TNNI3K: variants seen among roughly 807,000 people sequenced by gnomAD.
TNNI3K encodes serine/threonine-protein kinase TNNI3K.
Under a neutral mutation model 114.5 loss-of-function variants are expected in TNNI3K, and 140 were observed. The observed-to-expected ratio is 1.22, with a 90% CI of 1.07 to 1.41. The LOEUF (loss-of-function observed/expected upper bound fraction) is 1.41. TNNI3K is among the 40% of genes most tolerant of loss of function. The pLI is 0.00. For synonymous variants in TNNI3K, 347 were observed against 347.5 expected, an observed-to-expected ratio of 1.00 and a Z score of 0.02; for missense variants, 1,125 against 1,007.6, an observed-to-expected ratio of 1.12 and a Z score of -1.58.
Position 74,246,519 on chromosome 1 carries a change from C to T in TNNI3K, c.150-2940C>T, listed in dbSNP as rs144711412. On this transcript the variant is annotated intron_variant, in intron 2 of 24. Transcript: ENST00000326637. ...ACAATGATTCAGCTCTGAGCTGCTT[C>T]GGCTTTTCTTCCCTGGTCTTTCTAT... Among the ~76,000 whole-genome samples the T allele has an allele frequency of 1.6e-4, 24 of 152,290 alleles. No homozygotes were observed. The East Asian group carries it at 4.1e-3, about 26-fold the overall frequency.
intron 2 of TNNI3K, among the ~76,000 whole-genome samples, chr1:74,245,483 C>A (rs2100837366): frequency 6.6e-6 from 1 of 152,268 alleles, no homozygotes; most frequent in Middle Eastern, 3.4e-3. Flanking sequence ...AGATCATATC[C>A]TTGGCTTCAC....
At chr1:74,445,114 A>G (rs1166876421) in intron 20 of TNNI3K, among the ~76,000 whole-genome samples, 2 of 152,220 alleles carry the variant, frequency 1.3e-5, no homozygotes, top group African/African-American at 4.8e-5. Context: ...CATTCAGGAC[A>G]TAGGCATGGA....
chr1:74,395,572 G>C (rs1034565547), intron 17 of TNNI3K, among the ~76,000 whole-genome samples: 9 of 152,184 alleles, frequency 5.9e-5, no homozygotes, highest in Non-Finnish European at 1.3e-4. Context: ...CTGCCTTGGT[G>C]GTTCAGCATT....
chr1:74,294,020 A>G (rs1186783007), intron 5 of TNNI3K, among the ~76,000 whole-genome samples: 1 of 151,738 alleles, frequency 6.6e-6, no homozygotes, highest in Non-Finnish European at 1.5e-5. Flanking sequence ...TTAATTTTGG[A>G]TTCCTAACAT....
At chr1:74,296,134 G>T (rs953401484) in intron 5 of TNNI3K, among the ~76,000 whole-genome samples, 1 of 151,978 alleles carries the variant, frequency 6.6e-6, no homozygotes, top group Admixed American at 6.6e-5. Context: ...AAATTAGCCG[G>T]GCGAGGCGGC....
At chr1:74,414,290 A>G (rs915258048) in intron 17 of TNNI3K, among the ~76,000 whole-genome samples, 1 of 152,214 alleles carries the variant, frequency 6.6e-6, no homozygotes, top group Admixed American at 6.5e-5. Flanking sequence ...TAAGAGTCTA[A>G]TAGTGTTTCA....
At chr1:74,331,370 G>T in intron 5 of TNNI3K, 80 bp from the exon 6 acceptor site, 1 of 1,430,434 alleles carries the variant, frequency 7.0e-7, no homozygotes, top group Non-Finnish European at 9.5e-7. Flanking sequence ...ATGAAGATTT[G>T]TGCATGGTGG....
chr1:74,284,990 A>G (rs1294855953), intron 5 of TNNI3K, among the ~76,000 whole-genome samples: 2 of 152,230 alleles, frequency 1.3e-5, no homozygotes, highest in African/African-American at 4.8e-5. Context: ...GAAAAGTTCC[A>G]AGTTAAATAG....
At chr1:74,247,992 C>T (rs765082745) in intron 2 of TNNI3K, among the ~76,000 whole-genome samples, 28 of 145,010 alleles carry the variant, frequency 1.9e-4, no homozygotes, top group African/African-American at 2.8e-4. Flanking sequence ...TGGGAGCCCA[C>T]GGGGGTAGGG....
In TNNI3K at chr1:74,532,582, G is replaced by A. The variant is rs559138930; in HGVS notation, c.2352-7652G>A. The stretch of plus-strand genomic sequence containing the variant: ...GCTGGTGTGCTGCACCCAATAACTC[G>A]TCATTTAGCATTAGGTATATCTCCT... On this transcript the variant is annotated intron_variant, in intron 23 of 24. Coordinates refer to ENST00000326637, the MANE Select transcript of TNNI3K (RefSeq NM_015978.3). Among the ~76,000 whole-genome samples, 888 of 151,594 alleles carry A rather than the reference G, an allele frequency of 5.9e-3. 11 individuals are homozygous for A. The highest frequency in any genetic ancestry group is 0.013 in the South Asian group (63 of 4,792).
rs186103057 is a variant in TNNI3K at position 74,511,317 on chromosome 1, C to T, written c.2351+19051C>T. ...AAGCAATTCTCGTGCCTCAGGCTCC[C>T]GAGTAGCTGGGACTACAGGCACACG... is the stretch of plus-strand genomic sequence containing the variant. On this transcript the variant is annotated intron_variant, in intron 23 of 24. Transcript: ENST00000326637. 2.5e-3 allele frequency among the ~76,000 whole-genome samples: 380 copies of T among 152,144 alleles called. 2 individuals are homozygous for T. Among genetic ancestry groups the T allele is most frequent in the Admixed American group, 5.4e-3 (83 of 15,288 alleles).
intron 5 of TNNI3K, among the ~76,000 whole-genome samples, chr1:74,274,030 A>G (rs1299788143): frequency 2.0e-5 from 3 of 151,954 alleles, no homozygotes; most frequent in African/African-American, 2.4e-5. Flanking sequence ...GAAAATCTAT[A>G]TATACATTTT....
intron 4 of TNNI3K, among the ~76,000 whole-genome samples, chr1:74,266,702 C>T (rs1254031463): frequency 1.3e-5 from 2 of 151,922 alleles, no homozygotes; most frequent in East Asian, 3.9e-4. Context: ...GATTTGAGCT[C>T]TGTGATATAG....
chr1:74,313,865 C>A (rs370737894), intron 5 of TNNI3K, among the ~76,000 whole-genome samples: 2 of 151,878 alleles, frequency 1.3e-5, no homozygotes, highest in Non-Finnish European at 2.9e-5. Flanking sequence ...TTAATCCTCA[C>A]TTAATGTTAT....
chr1:74,480,587 T>A, intron 21 of TNNI3K: 2 of 717,284 alleles, frequency 2.8e-6, no homozygotes, highest in Non-Finnish European at 5.2e-6. Context: ...CCTGAGACTG[T>A]GGAGATTCGT....
At chr1:74,247,774 A>G (rs572774411) in intron 2 of TNNI3K, among the ~76,000 whole-genome samples, 26 of 152,158 alleles carry the variant, frequency 1.7e-4, no homozygotes, top group Non-Finnish European at 3.4e-4. Flanking sequence ...TGCATTTACA[A>G]TCCTCCAGCT....
rs1381768015 is a variant in TNNI3K at position 74,489,173 on chromosome 1, T to C, written c.2122-16T>C. On this transcript the variant is annotated splice_polypyrimidine_tract_variant and intron_variant, in intron 21 of 24. Transcript: ENST00000326637. ...TTTTATTCTTAAGGGAAAAAAGTTC[T>C]TTTTTCTATTTACAGGGAAGACCCG... 3 of 1,581,008 alleles carry C rather than the reference T, an allele frequency of 1.9e-6. No individual in the cohort carries two copies. Among genetic ancestry groups the C allele is most frequent in the Non-Finnish European group, 2.6e-6 (3 of 1,174,550 alleles).
chr1:74,370,611 G>A (rs181447714), intron 17 of TNNI3K: 15 of 356,632 alleles, frequency 4.2e-5, no homozygotes, highest in Non-Finnish European at 6.0e-5. Flanking sequence ...AATCTATGAA[G>A]AATATTCACA....
At chr1:74,235,566 T>C in intron 1 of TNNI3K, 75 bp downstream of exon 1, 1 of 800,108 alleles carries the variant, frequency 1.2e-6, no homozygotes, top group Non-Finnish European at 2.0e-6. Context: ...TAACAACTCA[T>C]TGGAATATGT....
Sources: gnomAD v4.1 joint callset for allele counts (sites outside exome capture counted in the v4.1 genomes callset) on GRCh38, gnomAD v4.1.1 for gene constraint, MANE v1.5 for transcripts, NCBI Gene and HGNC (gene_info 2026-07-23, HGNC 2026-07-21) for gene names.